Variants in GP2 observed in about 807,000 individuals in gnomAD.
The protein encoded by GP2 is pancreatic secretory granule membrane major glycoprotein GP2.
Under a neutral mutation model 60.8 loss-of-function variants are expected in GP2, and 58 were observed. The ratio of observed to expected loss-of-function variants is 0.95; its 90% CI spans 0.77 to 1.19. GP2 has a LOEUF of 1.19. GP2 is among the 50% of genes most tolerant of loss of function. The probability of loss-of-function intolerance (pLI) is 0.00; values close to 1 mark genes in which losing one functional copy is unlikely to be tolerated. For synonymous variants in GP2, 280 were observed against 253.4 expected (o/e 1.10, Z -1.00); for missense variants, 647 against 667.4 (o/e 0.97, Z 0.34).
chr16:20,313,078 A>G (rs921876712), intron 10 of GP2, among the ~76,000 whole-genome samples: 7 of 152,192 alleles, frequency 4.6e-5, no homozygotes, highest in African/African-American at 1.4e-4. Flanking sequence ...AAAAACTGCC[A>G]TCTAAGTTTG....
chr16:20,324,306 T>C (rs1964466477), intron 2 of GP2, 50 bp from the exon 3 acceptor site: 2 of 1,270,722 alleles, frequency 1.6e-6, no homozygotes, highest in Non-Finnish European at 1.1e-6. Flanking sequence ...TGCCAGAACC[T>C]ACAGGATTTT....
chr16:20,327,343 G>T (rs1319705843), intron 1 of GP2, 124 bp downstream of exon 1: 3 of 533,718 alleles, frequency 5.6e-6, no homozygotes, highest in Non-Finnish European at 8.8e-6. Flanking sequence ...CTTGACAATG[G>T]CCAGGGTCCA....
chr16:20,321,615 T>G (rs1485047361), intron 4 of GP2, among the ~76,000 whole-genome samples: 2 of 152,106 alleles, frequency 1.3e-5, no homozygotes, highest in Non-Finnish European at 2.9e-5. Flanking sequence ...TGCAAGTCAG[T>G]AAAGCAAGTG....
At chr16:20,322,824 C>A (rs761453664) in intron 4 of GP2, 45 bp downstream of exon 4, 3 of 1,058,776 alleles carry the variant, frequency 2.8e-6, no homozygotes, top group Admixed American at 1.7e-5. Flanking sequence ...TCCCTCCTGC[C>A]CTGCCCCCTC....
rs781346250 is a variant in GP2 at position 20,317,228 on chromosome 16, A to G, written c.1401T>C (p.Asn467=). The part of the protein sequence containing the change: ...HCEIHLCDSL[N]EQCQPSCSRS... ...AGACACTCACAGGCTGGCACTGTTC[A>G]TTAAGAGAATCACAGAGATGAATCT... The change falls in exon 8 of 11, where the codon AAT becomes AAC. Residue 467 remains asparagine (N), a synonymous_variant. Transcript: ENST00000302555. The G allele has an allele frequency of 6.2e-7, 1 of 1,613,108 alleles. No individual in the cohort carries two copies. Among genetic ancestry groups the G allele is most frequent in the South Asian group, 1.1e-5 (1 of 90,976 alleles).
chr16:20,317,180 G>C, intron 8 of GP2, 33 bp downstream of exon 8: 1 of 1,367,834 alleles, frequency 7.3e-7, no homozygotes, highest in Non-Finnish European at 9.9e-7. Context: ...TCCATGCCAG[G>C]CTCTGAAGAG....
At chr16:20,312,588 C>T (rs1453751870) in intron 10 of GP2, among the ~76,000 whole-genome samples, 2 of 151,982 alleles carry the variant, frequency 1.3e-5, no homozygotes, top group Middle Eastern at 3.2e-3. Flanking sequence ...CCACACTGTT[C>T]CAGGCACTGG....
chr16:20,317,018 C>T (rs952525440), intron 8 of GP2, among the ~76,000 whole-genome samples, 195 bp downstream of exon 8: 1 of 150,302 alleles, frequency 6.7e-6, no homozygotes, highest in Admixed American at 6.7e-5. Flanking sequence ...CTTCCCATTC[C>T]CTTCCCTTCT....
Position 20,320,457 on chromosome 16 carries a change from C to T in GP2, c.663G>A (p.Gln221=). ...CCCTGGGCCCACAGTCTAGCTGAGG[C>T]TGCAAACTGTGGACATCTGCAAAGC... ...DLNSSDVHSL[Q]PQLDCGPREI... is the part of the protein sequence containing the mutation. The change falls in exon 5 of 11, where the codon CAG becomes CAA. Residue 221 remains glutamine (Q), a synonymous_variant. Transcript: ENST00000302555. The T allele has an allele frequency of 1.9e-6, 3 of 1,613,114 alleles. No homozygotes were observed. The highest frequency in any genetic ancestry group is 3.3e-4 in the Middle Eastern group (2 of 6,060).
Position 20,326,386 on chromosome 16 carries a change from G to T in GP2, c.46C>A (p.Leu16Met). Residue 16 changes from leucine to methionine, a missense_variant, in exon 2 of 11, where the codon CTG (leucine) becomes ATG (methionine). Coordinates refer to ENST00000302555, the MANE Select transcript of GP2 (RefSeq NM_001502.4). ...GTCAGAATGCAGGAGACCAAGGCCA[G>T]CCACAGGAGGCCAGAGCCCACCATC... ...ERMVGSGLLW[L>M]ALVSCILTQA... 6.2e-7 allele frequency: 1 copy of T among 1,613,588 alleles called. No homozygotes were observed. The highest frequency in any genetic ancestry group is 8.5e-7 in the Non-Finnish European group (1 of 1,179,480).
In GP2 at chr16:20,318,363, T is replaced by A. The variant is rs1228545207; in HGVS notation, c.1075A>T (p.Asn359Tyr). The A allele has an allele frequency of 1.9e-6, 3 of 1,612,778 alleles. No individual in the cohort carries two copies. The Admixed American group carries it at 5.0e-5, about 27-fold the overall frequency. Residue 359 changes from asparagine to tyrosine, a missense_variant, in exon 7 of 11, where the codon AAC becomes TAC. Coordinates refer to ENST00000302555, the MANE Select transcript of GP2 (RefSeq NM_001502.4). Reference sequence around the variant, plus strand: ...TCCCCTTCGTAAGGATTCGTGTAGTTCTGGTCTTGGAAGAGGGCCATCCTG... The same window carrying A: ...TCCCCTTCGTAAGGATTCGTGTAGTACTGGTCTTGGAAGAGGGCCATCCTG... The part of the protein sequence containing the change: ...IVRMALFQDQ[N>Y]YTNPYEGDAV...
intron 4 of GP2, among the ~76,000 whole-genome samples, chr16:20,321,122 T>C (rs1596525231): frequency 6.6e-6 from 1 of 151,640 alleles, no homozygotes; most frequent in Non-Finnish European, 1.5e-5. Context: ...CCAATCTCAG[T>C]TCACTGCAAC....
rs187263636 is a variant in GP2, at chr16:20,315,933, G to A, written c.1501+23C>T. 1.1e-5 allele frequency: 17 copies of A among 1,503,282 alleles called. No homozygotes were observed. The Admixed American group carries it at 2.3e-4, about 21-fold the overall frequency. 93.1% of individuals were successfully genotyped at this position (1,503,282 alleles called of 1,614,324 possible). A position where few individuals can be genotyped will look rare whatever the true frequency, so the allele number is the denominator to read the frequency against. ...TGTCAACACTCAGCCAGCTGGTCTT[G>A]TCACTGGGATTTGGCCACTTACCTC... is the stretch of plus-strand genomic sequence containing the variant. On this transcript the variant is annotated intron_variant, in intron 9 of 10. Transcript: ENST00000302555.
intron 9 of GP2, among the ~76,000 whole-genome samples, chr16:20,315,469 T>A (rs917915459): frequency 1.3e-5 from 2 of 152,138 alleles, no homozygotes; most frequent in African/African-American, 4.8e-5. Flanking sequence ...TGTAAATGAA[T>A]TTTGGAAAAC....
Position 20,327,207 on chromosome 16 carries a change from C to A in GP2, c.-37+260G>T, listed in dbSNP as rs75734174. On this transcript the variant is annotated intron_variant, in intron 1 of 10. Transcript: ENST00000302555. Reference sequence around the variant, plus strand: ...GATTGGTGATTCTTAGAGATGAGATCCCAATAGAGACCTAGTTCCCTGGTG... The same window carrying A: ...GATTGGTGATTCTTAGAGATGAGATACCAATAGAGACCTAGTTCCCTGGTG... 4.5e-3 allele frequency: 1,402 copies of A among 311,334 alleles called. 20 individuals are homozygous for A. The highest frequency in any genetic ancestry group is 0.029 in the African/African-American group (1,341 of 46,318). The allele number at this position is 311,334 out of a possible 1,614,324, so 19.3% of individuals were successfully genotyped here. A position where few individuals can be genotyped will look rare whatever the true frequency, so the allele number is the denominator to read the frequency against.
intron 10 of GP2, among the ~76,000 whole-genome samples, chr16:20,312,179 A>G (rs1215961071): frequency 6.6e-6 from 1 of 152,144 alleles, no homozygotes; most frequent in Admixed American, 6.6e-5. Context: ...ATCACTGTGT[A>G]CTCAGTTTCA....
intron 4 of GP2, among the ~76,000 whole-genome samples, chr16:20,321,229 A>C (rs895595279): frequency 6.6e-6 from 1 of 151,812 alleles, no homozygotes; most frequent in Non-Finnish European, 1.5e-5. Flanking sequence ...CACCTGGCTA[A>C]TTTCTGTATT....
chr16:20,316,041 C>G lies in GP2; in HGVS notation c.1417-1G>C. 6.3e-7 allele frequency: 1 copy of G among 1,596,966 alleles called. No individual in the cohort carries two copies. The highest frequency in any genetic ancestry group is 2.2e-5 in the East Asian group (1 of 44,776). On this transcript the variant is annotated splice_acceptor_variant, in intron 8 of 10. Transcript: ENST00000302555. LOFTEE classifies it high-confidence loss of function. ...TGCGGACTTGACTTCTTGAGCAAGACTGTAGGGATGATGAACTTTTATTAT... is the reference window on the plus strand; with the variant it reads ...TGCGGACTTGACTTCTTGAGCAAGAGTGTAGGGATGATGAACTTTTATTAT...
rs1491260303 is a variant in GP2 at position 20,323,495 on chromosome 16, CCT to C, written c.535+319_535+320del. On this transcript the variant is annotated intron_variant, in intron 3 of 10. Transcript: ENST00000302555. ...TGTTATTTTTGCTGTACCCCCCCCCCCTTTTTTTCAGATCAGAACACTGAGGC... is the reference window on the plus strand; with the variant it reads ...TGTTATTTTTGCTGTACCCCCCCCCCTTTTTTCAGATCAGAACACTGAGGC... 3,016 of 589,542 alleles carry C rather than the reference CCT, an allele frequency of 5.1e-3. 16 individuals are homozygous for C. Among genetic ancestry groups the C allele is most frequent in the South Asian group, 0.024 (1,353 of 55,932 alleles). The allele number at this position is 589,542 out of a possible 1,614,324, so 36.5% of individuals were successfully genotyped here. A position where few individuals can be genotyped will look rare whatever the true frequency, so the allele number is the denominator to read the frequency against.
Sources: gnomAD v4.1 joint callset for allele counts (sites outside exome capture counted in the v4.1 genomes callset) on GRCh38, gnomAD v4.1.1 for gene constraint, MANE v1.5 for transcripts, NCBI Gene and HGNC (gene_info 2026-07-23, HGNC 2026-07-21) for gene names.